Variants in AGBL4 observed in about 807,000 individuals in gnomAD.
The protein encoded by AGBL4 is cytosolic carboxypeptidase 6.
AGBL4 carries 58 observed loss-of-function variants against 66.4 expected under a neutral mutation model. The ratio of observed to expected loss-of-function variants is 0.87; its 90% confidence interval spans 0.71 to 1.09. The LOEUF (loss-of-function observed/expected upper bound fraction) is 1.09. Among genes scored for constraint, AGBL4 ranks in the 50% least tolerant of loss-of-function variants. The pLI is 0.00. For synonymous variants in AGBL4, 234 were observed against 222.9 expected (o/e 1.05, Z -0.44); for missense variants, 579 against 631.0 (o/e 0.92, Z 0.88).
At chr1:49,697,850 G>A (rs1647016699) in intron 2 of AGBL4, among the ~76,000 whole-genome samples, 1 of 152,082 alleles carries the variant, frequency 6.6e-6, no homozygotes, top group Non-Finnish European at 1.5e-5. Flanking sequence ...TAATACATTG[G>A]ATCTTGTTTA....
At chr1:48,869,826 A>G (rs1224578739) in intron 5 of AGBL4, among the ~76,000 whole-genome samples, 2 of 152,110 alleles carry the variant, frequency 1.3e-5, no homozygotes, top group African/African-American at 4.8e-5. Context: ...ATCCTCTCAC[A>G]TTTTAATTTT....
intron 3 of AGBL4, among the ~76,000 whole-genome samples, chr1:49,278,421 T>C (rs377050251): frequency 2.6e-5 from 4 of 152,164 alleles, no homozygotes; most frequent in East Asian, 3.9e-4. Context: ...TAAGAAACCT[T>C]TCCCTTTCTC....
intron 1 of AGBL4, among the ~76,000 whole-genome samples, chr1:49,940,095 G>GA (rs1201848174): frequency 4.6e-5 from 7 of 151,234 alleles, no homozygotes; most frequent in South Asian, 4.2e-4. Flanking sequence ...ACAGACACAT[G>GA]AAAAAATGCT....
intron 4 of AGBL4, among the ~76,000 whole-genome samples, chr1:49,135,390 A>C: frequency 6.6e-6 from 1 of 152,260 alleles, no homozygotes; most frequent in Admixed American, 6.5e-5. Flanking sequence ...TGCTGAGACC[A>C]GTTCAGTCTG....
chr1:48,829,317 C>A lies in AGBL4; in HGVS notation c.634+37874G>T, dbSNP rs187521277. 4.9e-4 allele frequency among the ~76,000 whole-genome samples: 75 copies of A among 152,302 alleles called. 1 individual carries two copies. The South Asian group carries it at 1.0e-2, about 20-fold the overall frequency. ...AGATGTGATCCTAGTCAGTCTGGCT[C>A]CAGAGTTACAGCCTATGCCGTTGGC... is the stretch of plus-strand genomic sequence containing the variant. On this transcript the variant is annotated intron_variant, in intron 6 of 13. Coordinates refer to ENST00000371839, the MANE Select transcript of AGBL4 (RefSeq NM_032785.4).
At chr1:48,900,928 A>C (rs1652021092) in intron 5 of AGBL4, among the ~76,000 whole-genome samples, 1 of 152,222 alleles carries the variant, frequency 6.6e-6, no homozygotes, top group South Asian at 2.1e-4. Context: ...GAATTAAAAG[A>C]CAAACCATAG....
intron 4 of AGBL4, among the ~76,000 whole-genome samples, chr1:49,180,027 G>A (rs572493668): frequency 6.6e-6 from 1 of 151,796 alleles, no homozygotes; most frequent in South Asian, 2.1e-4. Flanking sequence ...TCAGCCTCCC[G>A]AGTAGCTGGG....
chr1:49,603,511 C>T (rs1440095865), intron 3 of AGBL4, among the ~76,000 whole-genome samples: 3 of 147,262 alleles, frequency 2.0e-5, no homozygotes, highest in African/African-American at 5.0e-5. Flanking sequence ...GGCGACAGAG[C>T]GAGACTCCAT....
intron 5 of AGBL4, among the ~76,000 whole-genome samples, chr1:48,990,585 CTA>C (rs1329563424): frequency 6.6e-6 from 1 of 152,018 alleles, no homozygotes; most frequent in African/African-American, 2.4e-5. Context: ...AGATAGGAGT[CTA>C]GTTTCATTCT....
At chr1:48,720,702 G>C (rs1647132318) in intron 6 of AGBL4, among the ~76,000 whole-genome samples, 1 of 152,182 alleles carries the variant, frequency 6.6e-6, no homozygotes, top group African/African-American at 2.4e-5. Flanking sequence ...GCACAGTGTA[G>C]GGGTTCAGCA....
intron 1 of AGBL4, among the ~76,000 whole-genome samples, chr1:49,982,954 C>A (rs373304085): frequency 6.6e-6 from 1 of 152,294 alleles, no homozygotes; most frequent in East Asian, 1.9e-4. Context: ...GAGCTGAGCA[C>A]TCAGCAGAAC....
intron 3 of AGBL4, among the ~76,000 whole-genome samples, chr1:49,577,784 G>C (rs1468492843): frequency 6.6e-6 from 1 of 152,222 alleles, no homozygotes; most frequent in Non-Finnish European, 1.5e-5. Flanking sequence ...TTGATAGAAT[G>C]ATGGAATGGC....
intron 9 of AGBL4, among the ~76,000 whole-genome samples, chr1:48,626,076 T>C (rs1645497642): frequency 6.6e-6 from 1 of 152,206 alleles, no homozygotes; most frequent in African/African-American, 2.4e-5. Context: ...ATTTCCATAT[T>C]GAACCTTTCA....
intron 4 of AGBL4, among the ~76,000 whole-genome samples, chr1:49,156,154 C>T (rs1646425551): frequency 6.6e-6 from 1 of 152,184 alleles, no homozygotes; most frequent in South Asian, 2.1e-4. Context: ...CCACACATTT[C>T]CTTTAACTCA....
In AGBL4 at chr1:49,383,998, C is replaced by T. The variant is rs188831319; in HGVS notation, c.283-138134G>A. 3.7e-3 allele frequency among the ~76,000 whole-genome samples: 559 copies of T among 151,754 alleles called. 4 individuals carry two copies. Among genetic ancestry groups the T allele is most frequent in the Non-Finnish European group, 5.9e-3 (402 of 67,900 alleles). Reference sequence around the variant, plus strand: ...TTTTAGTAGAGACGGGGTTTCACTGCGTTGGCCAGGATGGTCTTGATTTCC... The same window carrying T: ...TTTTAGTAGAGACGGGGTTTCACTGTGTTGGCCAGGATGGTCTTGATTTCC... On this transcript the variant is annotated intron_variant, in intron 3 of 13. Coordinates refer to ENST00000371839, the MANE Select transcript of AGBL4 (RefSeq NM_032785.4).
At chr1:48,536,522 C>A (rs568248427) in intron 12 of AGBL4, among the ~76,000 whole-genome samples, 1 of 152,290 alleles carries the variant, frequency 6.6e-6, no homozygotes, top group East Asian at 1.9e-4. Flanking sequence ...TTTGTACTTG[C>A]CTTTATCCTC....
rs1488708280 is a variant in AGBL4 at position 49,936,890 on chromosome 1, G to A, written c.35-85372C>T. Among the ~76,000 whole-genome samples, 12 of 152,264 alleles carry A rather than the reference G, an allele frequency of 7.9e-5. No individual in the cohort carries two copies. In the South Asian group the frequency reaches 1.0e-3, roughly 13 times the overall value. On this transcript the variant is annotated intron_variant, in intron 1 of 13. Transcript: ENST00000371839. ...GTACCAGCCACTACAAAATCATGCC[G>A]AATTATACAGACCATCGAGGCTAGG...
intron 2 of AGBL4, among the ~76,000 whole-genome samples, chr1:49,728,214 C>T (rs560482173): frequency 6.6e-6 from 1 of 152,088 alleles, no homozygotes; most frequent in African/African-American, 2.4e-5. Context: ...AAGGAAAATC[C>T]ATTTTGCAAA....
intron 6 of AGBL4, among the ~76,000 whole-genome samples, chr1:48,790,905 C>T (rs547554603): frequency 6.6e-6 from 1 of 152,202 alleles, no homozygotes; most frequent in South Asian, 2.1e-4. Context: ...CATTACAAGA[C>T]CTTATATCTG....
Sources: allele counts gnomAD v4.1 joint callset (sites outside exome capture counted in the v4.1 genomes callset), GRCh38; gene constraint gnomAD v4.1.1; transcripts MANE v1.5; gene names NCBI Gene and HGNC (gene_info 2026-07-23, HGNC 2026-07-21).